Variants in STRIP2 observed in about 807,000 individuals in gnomAD.
The protein encoded by STRIP2 is striatin-interacting protein 2.
In STRIP2, 84 loss-of-function variants were observed where a neutral mutation model predicts 107.1. The observed-to-expected ratio is 0.78, with a 90% confidence interval of 0.66 to 0.94. STRIP2 has a LOEUF of 0.94. Among genes scored for constraint, STRIP2 ranks in the 40% least tolerant of loss-of-function variants. The pLI is 0.00. For missense variants in STRIP2, 888 were observed against 1,034.2 expected, an observed-to-expected ratio of 0.86 and a Z score of 1.94; for synonymous variants, 394 against 400.4, an observed-to-expected ratio of 0.98 and a Z score of 0.19.
intron 19 of STRIP2, 67 bp downstream of exon 19, chr7:129,480,956 T>C (rs1799101835): frequency 8.2e-7 from 1 of 1,225,782 alleles, no homozygotes; most frequent in African/African-American, 1.5e-5. Flanking sequence ...CACTAGTAAA[T>C]ATTTGTGTGC....
chr7:129,486,128 A>C lies in STRIP2; in HGVS notation c.*299A>C. ...AACCAGGCTAGACTTTGCTGGCTCTAAAAGAGGAAATTTGTTATGGCATTT... is the reference window on the plus strand; with the variant it reads ...AACCAGGCTAGACTTTGCTGGCTCTCAAAGAGGAAATTTGTTATGGCATTT... On this transcript the variant is annotated 3_prime_UTR_variant, in exon 21 of 21. Coordinates refer to ENST00000249344, the MANE Select transcript of STRIP2 (RefSeq NM_020704.3). The C allele has an allele frequency of 3.3e-6, 1 of 307,552 alleles. No individual in the cohort carries two copies. Among genetic ancestry groups the C allele is most frequent in the East Asian group, 6.3e-5 (1 of 16,000 alleles). 19.1% of individuals were successfully genotyped at this position (307,552 alleles called of 1,614,324 possible). A position where few individuals can be genotyped will look rare whatever the true frequency, so the allele number is the denominator to read the frequency against.
intron 18 of STRIP2, among the ~76,000 whole-genome samples, chr7:129,472,771 TTTTCC>T: frequency 4.4e-5 from 3 of 68,612 alleles, no homozygotes; most frequent in South Asian, 5.6e-4. Flanking sequence ...TTTTCTTTTC[TTTTCC>T]TTTTTTTTTT....
At chr7:129,457,343 G>A (rs1290021564) in intron 9 of STRIP2, among the ~76,000 whole-genome samples, 2 of 152,206 alleles carry the variant, frequency 1.3e-5, no homozygotes, top group Non-Finnish European at 2.9e-5. Flanking sequence ...ACCCAATGGT[G>A]TTTGTGTATC....
Position 129,455,372 on chromosome 7 carries a change from G to GTGAGTAA in STRIP2, c.834+3_834+9dup. 6.2e-7 allele frequency: 1 copy of GTGAGTAA among 1,611,922 alleles called. No homozygotes were observed. The highest frequency in any genetic ancestry group is 1.1e-5 in the South Asian group (1 of 90,686). On this transcript the variant is annotated splice_donor_variant, in intron 8 of 20. Coordinates refer to ENST00000249344, the MANE Select transcript of STRIP2 (RefSeq NM_020704.3). LOFTEE classifies it high-confidence loss of function. Reference sequence around the variant, plus strand: ...GCTCCTGCTCTGGAAGGTGGTCATGGTGAGTAATTCTCCCCACTCCCACAT... The same window carrying GTGAGTAA: ...GCTCCTGCTCTGGAAGGTGGTCATGGTGAGTAATGAGTAATTCTCCCCACTCCCACAT...
intron 2 of STRIP2, among the ~76,000 whole-genome samples, chr7:129,442,248 G>A (rs1034193103): frequency 2.0e-5 from 3 of 152,002 alleles, no homozygotes; most frequent in Admixed American, 6.6e-5. Context: ...AATAATAAAT[G>A]CTAAAGATAA....
At chr7:129,452,898 C>T (rs1277437254) in intron 4 of STRIP2, among the ~76,000 whole-genome samples, 1 of 152,182 alleles carries the variant, frequency 6.6e-6, no homozygotes, top group East Asian at 1.9e-4. Flanking sequence ...TTTGGGCTTC[C>T]TTTTCTTCCC....
At chr7:129,446,518 G>T (rs1798039964) in intron 3 of STRIP2, among the ~76,000 whole-genome samples, 1 of 152,218 alleles carries the variant, frequency 6.6e-6, no homozygotes, top group African/African-American at 2.4e-5. Context: ...TGCCCACTGG[G>T]AAGATTTCCC....
intron 1 of STRIP2, among the ~76,000 whole-genome samples, chr7:129,435,860 A>G (rs892057542): frequency 1.3e-5 from 2 of 152,208 alleles, no homozygotes; most frequent in Non-Finnish European, 2.9e-5. Context: ...TACCATTTGA[A>G]TAGCATTTCA....
At chr7:129,439,407 A>G (rs1010288932) in intron 1 of STRIP2, among the ~76,000 whole-genome samples, 2 of 152,250 alleles carry the variant, frequency 1.3e-5, no homozygotes, top group African/African-American at 2.4e-5. Context: ...GAAATATCCC[A>G]AAATGTTTAA....
At position 129,444,030 on chromosome 7, in the gene STRIP2, A is replaced by G. The variant is rs775814308; in HGVS notation, c.206A>G (p.Tyr69Cys). 1.9e-6 allele frequency: 3 copies of G among 1,613,020 alleles called. No individual in the cohort carries two copies. Among genetic ancestry groups the G allele is most frequent in the Non-Finnish European group, 1.7e-6 (2 of 1,179,196 alleles). ...TCTGTCTTTCCTGCCACAGAATTGT[A>G]TAGTTACACTGAGAACCTGGAATTC... ...DGHAAELSEL[Y>C]SYTENLEFTN... The change falls in exon 3 of 21, where the codon TAT (tyrosine) becomes TGT (cysteine). Residue 69 changes from tyrosine (Y) to cysteine (C), a missense_variant. Transcript: ENST00000249344.
At chr7:129,469,769 G>A (rs983604014) in intron 17 of STRIP2, among the ~76,000 whole-genome samples, 2 of 152,204 alleles carry the variant, frequency 1.3e-5, no homozygotes, top group Admixed American at 6.5e-5. Context: ...CTTTTAAAAT[G>A]TAGAGACAGG....
At chr7:129,473,390 C>A (rs1381805261) in intron 18 of STRIP2, among the ~76,000 whole-genome samples, 1 of 152,200 alleles carries the variant, frequency 6.6e-6, no homozygotes, top group East Asian at 1.9e-4. Context: ...AAGACAGGGT[C>A]TTGCTTTGTC....
chr7:129,446,843 C>G (rs1047658650), intron 3 of STRIP2, among the ~76,000 whole-genome samples: 2 of 152,160 alleles, frequency 1.3e-5, no homozygotes, highest in Non-Finnish European at 2.9e-5. Flanking sequence ...TGTGCACGAC[C>G]CACTTTATGG....
Position 129,454,412 on chromosome 7 carries a change from T to C in STRIP2, c.600-9T>C. The C allele has an allele frequency of 1.2e-6, 2 of 1,608,902 alleles. No homozygotes were observed. The highest frequency in any genetic ancestry group is 1.7e-6 in the Non-Finnish European group (2 of 1,175,362). The stretch of plus-strand genomic sequence containing the variant: ...TTGGGAACCTCTTGTGACTCTTCTG[T>C]AACCCCAGGGTGCTGCTGAGTGTTA... On this transcript the variant is annotated splice_polypyrimidine_tract_variant and intron_variant, in intron 6 of 20. Transcript: ENST00000249344.
chr7:129,488,341 A>G lies in STRIP2; in HGVS notation c.*2512A>G, dbSNP rs1799280906. 3 of 152,658 alleles carry G rather than the reference A, an allele frequency of 2.0e-5. No individual in the cohort carries two copies. Among genetic ancestry groups the G allele is most frequent in the Admixed American group, 6.5e-5 (1 of 15,284 alleles). 9.5% of individuals were successfully genotyped at this position (152,658 alleles called of 1,614,324 possible). A position where few individuals can be genotyped will look rare whatever the true frequency, so the allele number is the denominator to read the frequency against. On this transcript the variant is annotated 3_prime_UTR_variant, in exon 21 of 21. Coordinates refer to ENST00000249344, the MANE Select transcript of STRIP2 (RefSeq NM_020704.3). ...TCAGTAAAGTTTGTGTTGATTGTTG[A>G]TAACACTGTTCATCTACTGAAGCAC...
chr7:129,472,768 T>C (rs1278423933), intron 18 of STRIP2, among the ~76,000 whole-genome samples: 1 of 139,632 alleles, frequency 7.2e-6, no homozygotes, highest in Admixed American at 8.1e-5. Context: ...GAATTTTCTT[T>C]TCTTTTCCTT....
intron 1 of STRIP2, among the ~76,000 whole-genome samples, chr7:129,437,281 T>TA (rs949173607): frequency 7.3e-5 from 11 of 151,682 alleles, no homozygotes; most frequent in Non-Finnish European, 1.5e-4. Context: ...TACAAATAAA[T>TA]AAAAAATAAA....
intron 1 of STRIP2, among the ~76,000 whole-genome samples, chr7:129,436,353 T>TC (rs1469379319): frequency 6.6e-6 from 1 of 152,168 alleles, no homozygotes; most frequent in Non-Finnish European, 1.5e-5. Flanking sequence ...TGCAATCTGT[T>TC]CCCCACCTGT....
rs368866193 is a variant in STRIP2, at chr7:129,485,879, C to T, written c.*50C>T. On this transcript the variant is annotated 3_prime_UTR_variant, in exon 21 of 21. Coordinates refer to ENST00000249344, the MANE Select transcript of STRIP2 (RefSeq NM_020704.3). The stretch of plus-strand genomic sequence containing the variant: ...ATAGATAGAGGTCAGCTCCAATAAA[C>T]TGTGCTCTGCCTACCCTGTCCATAC... 3 of 1,603,124 alleles carry T rather than the reference C, an allele frequency of 1.9e-6. No homozygotes were observed. Among genetic ancestry groups the T allele is most frequent in the Non-Finnish European group, 2.6e-6 (3 of 1,175,452 alleles).
Sources: allele counts gnomAD v4.1 joint callset (sites outside exome capture counted in the v4.1 genomes callset), GRCh38; gene constraint gnomAD v4.1.1; transcripts MANE v1.5; gene names NCBI Gene and HGNC (gene_info 2026-07-23, HGNC 2026-07-21).